The following LPP variants were observed in gnomAD, a reference collection of about 807,000 sequenced individuals.
LPP encodes lipoma-preferred partner.
Under a neutral mutation model 60.4 loss-of-function variants are expected in LPP, and 38 were observed. The observed-to-expected ratio is 0.63, with a 90% CI of 0.49 to 0.83. The LOEUF (loss-of-function observed/expected upper bound fraction) is 0.83, where lower values mean the gene tolerates loss of function less well. LPP is among the 40% of genes least tolerant of loss of function. The probability of loss-of-function intolerance (pLI) is 0.00; values close to 1 mark genes in which losing one functional copy is unlikely to be tolerated. For missense variants in LPP, 902 were observed against 783.6 expected, an observed-to-expected ratio of 1.15 and a Z score of -1.80; for synonymous variants, 328 against 290.8, an observed-to-expected ratio of 1.13 and a Z score of -1.30.
intron 9 of LPP, among the ~76,000 whole-genome samples, chr3:188,848,862 A>G (rs1762088376): frequency 6.6e-6 from 1 of 151,608 alleles, no homozygotes. Flanking sequence ...GCTACTCGGG[A>G]GGCTGAGGCA....
chr3:188,869,202 G>A (rs1312170714), intron 10 of LPP, among the ~76,000 whole-genome samples: 1 of 152,172 alleles, frequency 6.6e-6, no homozygotes, highest in African/African-American at 2.4e-5. Context: ...GAGCAGCCTG[G>A]GAGTAGAGAT....
chr3:188,400,832 G>T (rs1200150363), intron 3 of LPP, among the ~76,000 whole-genome samples: 1 of 152,094 alleles, frequency 6.6e-6, no homozygotes, highest in Non-Finnish European at 1.5e-5. Context: ...TGTAAATCTT[G>T]GTCCAGCAAC....
intron 6 of LPP, among the ~76,000 whole-genome samples, chr3:188,532,687 T>A (rs2150294764): frequency 6.6e-6 from 1 of 152,276 alleles, no homozygotes; most frequent in Middle Eastern, 3.4e-3. Context: ...GTGCTTCCTT[T>A]TGGTTATTTC....
intron 2 of LPP, among the ~76,000 whole-genome samples, chr3:188,298,181 A>G (rs1011537537): frequency 3.3e-5 from 5 of 152,178 alleles, no homozygotes; most frequent in Admixed American, 6.5e-5. Flanking sequence ...AGCAAGCCCA[A>G]TGAGCTCCTG....
chr3:188,781,379 C>T (rs1739597283), intron 9 of LPP, among the ~76,000 whole-genome samples: 1 of 152,030 alleles, frequency 6.6e-6, no homozygotes, highest in Non-Finnish European at 1.5e-5. Context: ...GTGGTCTTTC[C>T]AACATGAAGT....
chr3:188,523,742 G>A (rs1261768199), intron 5 of LPP, among the ~76,000 whole-genome samples: 1 of 152,094 alleles, frequency 6.6e-6, no homozygotes, highest in African/African-American at 2.4e-5. Flanking sequence ...TTCCACTATT[G>A]TATTGCCATT....
chr3:188,711,793 A>G (rs1293004011), intron 8 of LPP: 1 of 152,192 alleles, frequency 6.6e-6, no homozygotes, highest in South Asian at 2.1e-4. Flanking sequence ...GACTTAATCA[A>G]TGTTCACCAA....
chr3:188,511,824 G>T (rs1815766654), intron 5 of LPP, among the ~76,000 whole-genome samples: 1 of 152,174 alleles, frequency 6.6e-6, no homozygotes, highest in South Asian at 2.1e-4. Context: ...TACAGAGGGA[G>T]CTATGATATT....
chr3:188,262,530 C>T (rs1038272699), intron 2 of LPP, among the ~76,000 whole-genome samples: 1 of 152,028 alleles, frequency 6.6e-6, no homozygotes, highest in Non-Finnish European at 1.5e-5. Flanking sequence ...GTTCTCAGCT[C>T]TATTTTATGT....
chr3:188,853,144 C>G (rs1391754208), intron 9 of LPP, among the ~76,000 whole-genome samples: 1 of 150,518 alleles, frequency 6.6e-6, no homozygotes, highest in African/African-American at 2.5e-5. Context: ...GAGGGAGACT[C>G]TGTCTCAAAA....
intron 3 of LPP, among the ~76,000 whole-genome samples, chr3:188,368,594 C>T (rs971819894): frequency 2.6e-5 from 4 of 151,110 alleles, no homozygotes; most frequent in Non-Finnish European, 4.4e-5. Flanking sequence ...CTGTTCAATG[C>T]CTCTTTTGTT....
intron 2 of LPP, among the ~76,000 whole-genome samples, chr3:188,330,871 A>G (rs200193679): frequency 4.9e-4 from 59 of 119,482 alleles, no homozygotes; most frequent in African/African-American, 1.9e-3. Context: ...AAATAAATAA[A>G]TAAATAAATA....
At chr3:188,620,435 T>A (rs762072972) in intron 7 of LPP, among the ~76,000 whole-genome samples, 1 of 152,208 alleles carries the variant, frequency 6.6e-6, no homozygotes, top group Non-Finnish European at 1.5e-5. Flanking sequence ...CTTTTGTTAC[T>A]GGATTCTTAG....
chr3:188,634,610 C>T (rs189626483), intron 7 of LPP, among the ~76,000 whole-genome samples: 79 of 152,274 alleles, frequency 5.2e-4, no homozygotes, highest in Middle Eastern at 3.4e-3. Flanking sequence ...CAGATTGCAG[C>T]GGTATTGGAT....
chr3:188,406,410 G>A, intron 4 of LPP, 97 bp downstream of exon 4: 2 of 1,170,710 alleles, frequency 1.7e-6, no homozygotes, highest in Non-Finnish European at 2.4e-6. Context: ...AACGTAGTTT[G>A]TGAATTCACA....
intron 6 of LPP, among the ~76,000 whole-genome samples, chr3:188,599,512 T>C (rs1317931090): frequency 6.6e-6 from 1 of 152,088 alleles, no homozygotes; most frequent in Non-Finnish European, 1.5e-5. Context: ...CTTCACAGTG[T>C]CATATACCCT....
intron 2 of LPP, among the ~76,000 whole-genome samples, chr3:188,255,004 T>G (rs1731181015): frequency 6.6e-6 from 1 of 152,198 alleles, no homozygotes; most frequent in Non-Finnish European, 1.5e-5. Context: ...TATAAAATGT[T>G]TGAGTAGCTT....
chr3:188,390,448 T>A (rs1358579094), intron 3 of LPP, among the ~76,000 whole-genome samples: 1 of 152,008 alleles, frequency 6.6e-6, no homozygotes, highest in Admixed American at 6.6e-5. Flanking sequence ...GCTCTTACGT[T>A]TAGTATTTCA....
chr3:188,291,928 A>G (rs1451307405), intron 2 of LPP, among the ~76,000 whole-genome samples: 1 of 152,150 alleles, frequency 6.6e-6, no homozygotes, highest in Non-Finnish European at 1.5e-5. Context: ...GATTGTAAGG[A>G]GGTAATTCTT....
Sources: allele counts gnomAD v4.1 joint callset (sites outside exome capture counted in the v4.1 genomes callset), GRCh38; gene constraint gnomAD v4.1.1; transcripts MANE v1.5; gene names NCBI Gene and HGNC (gene_info 2026-07-23, HGNC 2026-07-21).